Variants in ARHGAP10 observed in about 807,000 individuals in gnomAD.
ARHGAP10 encodes Rho GTPase activating protein 10, also known as rho GTPase-activating protein 10.
Under a neutral mutation model 108.6 loss-of-function variants are expected in ARHGAP10, and 87 were observed. That is an observed-to-expected ratio of 0.80 (90% CI 0.67 to 0.96). The LOEUF (loss-of-function observed/expected upper bound fraction) is 0.96. Ranked by LOEUF, ARHGAP10 falls within the 40% of genes least tolerant of loss-of-function variation. The pLI is 0.00. For synonymous variants in ARHGAP10, 347 were observed against 341.1 expected (o/e 1.02, Z -0.19); for missense variants, 939 against 954.5 (o/e 0.98, Z 0.21).
intron 19 of ARHGAP10, among the ~76,000 whole-genome samples, chr4:148,029,206 T>C (rs1220358808): frequency 6.6e-6 from 1 of 152,214 alleles, no homozygotes; most frequent in Non-Finnish European, 1.5e-5. Context: ...CCTATAACTA[T>C]GAGCAAAGTA....
chr4:148,057,703 G>C (rs113472688), intron 20 of ARHGAP10, among the ~76,000 whole-genome samples: 1 of 152,192 alleles, frequency 6.6e-6, no homozygotes, highest in African/African-American at 2.4e-5. Flanking sequence ...TGGTTATTAG[G>C]TGCTTCCTCC....
intron 1 of ARHGAP10, among the ~76,000 whole-genome samples, chr4:147,793,160 A>T (rs1214043658): frequency 2.0e-5 from 3 of 150,874 alleles, no homozygotes; most frequent in Non-Finnish European, 3.0e-5. Flanking sequence ...ATGTGTGTGT[A>T]TGTATGTGTG....
intron 3 of ARHGAP10, among the ~76,000 whole-genome samples, chr4:147,829,926 C>A (rs950285970): frequency 1.3e-5 from 2 of 152,122 alleles, no homozygotes; most frequent in Non-Finnish European, 2.9e-5. Context: ...AGGAAAACTG[C>A]GGGGAAGCGG....
chr4:147,812,828 T>C (rs188437265), intron 1 of ARHGAP10, among the ~76,000 whole-genome samples: 2 of 152,294 alleles, frequency 1.3e-5, no homozygotes, highest in Admixed American at 1.3e-4. Context: ...CCCCTTCTTA[T>C]GCTTGTCTCT....
Position 147,798,722 on chromosome 4 carries a change from ACACTCTCTCT to A in ARHGAP10, c.155-24003_155-23994del, listed in dbSNP as rs1414455540. On this transcript the variant is annotated intron_variant, in intron 1 of 22. Coordinates refer to ENST00000336498, the MANE Select transcript of ARHGAP10 (RefSeq NM_024605.4). ...CATTACGTGAGGTCAGGAGTTTGAG[ACACTCTCTCT>A]CTCTCTCTCTCTCTCTCTCTCTCTC... 1.2e-3 allele frequency among the ~76,000 whole-genome samples: 127 copies of A among 107,368 alleles called. 12 individuals are homozygous for A. The highest frequency in any genetic ancestry group is 5.6e-3 in the African/African-American group (105 of 18,716). The allele number at this position is 107,368 out of a possible 152,430, so 70.4% of individuals were successfully genotyped here. A position where few individuals can be genotyped will look rare whatever the true frequency, so the allele number is the denominator to read the frequency against.
chr4:148,064,471 G>C lies in ARHGAP10; in HGVS notation c.2236G>C (p.Glu746Gln), dbSNP rs1375797401. Reference sequence around the variant, plus strand: ...TCCGTGTGAAGCAGAACACAGCTCGGAATTATCTTTTGAAATAGGAGCAAT... The same window carrying C: ...TCCGTGTGAAGCAGAACACAGCTCGCAATTATCTTTTGAAATAGGAGCAAT... ...VYPCEAEHSS[E>Q]LSFEIGAIFE... is the part of the protein sequence containing the mutation. Residue 746 changes from glutamate to glutamine, a missense_variant, in exon 22 of 23, where the codon GAA becomes CAA. Glu to Gln is a conservative substitution (Grantham distance 29). Transcript: ENST00000336498. 6.2e-7 allele frequency: 1 copy of C among 1,614,020 alleles called. No individual in the cohort carries two copies. The highest frequency in any genetic ancestry group is 8.5e-7 in the Non-Finnish European group (1 of 1,180,026).
chr4:147,823,634 A>G (rs550212626), intron 3 of ARHGAP10, among the ~76,000 whole-genome samples: 1 of 152,128 alleles, frequency 6.6e-6, no homozygotes, highest in South Asian at 2.1e-4. Flanking sequence ...GCATGTGCCC[A>G]TGGTCCCAGC....
chr4:147,888,571 T>C (rs1735666766), intron 10 of ARHGAP10, among the ~76,000 whole-genome samples: 1 of 152,224 alleles, frequency 6.6e-6, no homozygotes, highest in Non-Finnish European at 1.5e-5. Context: ...TAAAGCTCCT[T>C]GGTTAACTTG....
intron 1 of ARHGAP10, among the ~76,000 whole-genome samples, chr4:147,798,947 G>T (rs1297324586): frequency 1.3e-5 from 2 of 151,536 alleles, no homozygotes; most frequent in African/African-American, 2.4e-5. Flanking sequence ...CTGCTTTCAA[G>T]CAGATTTTTT....
chr4:147,831,792 A>G (rs981876599), intron 3 of ARHGAP10, among the ~76,000 whole-genome samples: 3 of 152,162 alleles, frequency 2.0e-5, no homozygotes, highest in African/African-American at 7.2e-5. Context: ...TCAGAATCCT[A>G]TAGAGATCAC....
intron 1 of ARHGAP10, among the ~76,000 whole-genome samples, chr4:147,736,334 A>G (rs1252722666): frequency 2.0e-5 from 3 of 152,218 alleles, no homozygotes; most frequent in African/African-American, 7.2e-5. Flanking sequence ...AAAACATAAA[A>G]GTTCTCTTTG....
intron 4 of ARHGAP10, chr4:147,854,953 C>G: frequency 1.2e-6 from 1 of 819,956 alleles, no homozygotes; most frequent in Non-Finnish European, 1.5e-6. Flanking sequence ...ATTTTCATAG[C>G]CTTCTATTGC....
intron 1 of ARHGAP10, among the ~76,000 whole-genome samples, chr4:147,780,604 C>T (rs903448814): frequency 6.6e-6 from 1 of 152,090 alleles, no homozygotes. Context: ...AGCAGGCAGC[C>T]CTGTTGTGGG....
intron 1 of ARHGAP10, among the ~76,000 whole-genome samples, chr4:147,754,706 TAAAGC>T (rs748768793): frequency 1.3e-5 from 2 of 152,148 alleles, no homozygotes; most frequent in African/African-American, 2.4e-5. Context: ...TTGTTTAACA[TAAAGC>T]AAAATAACAG....
rs1185932422 is a variant in ARHGAP10 at position 147,866,540 on chromosome 4, A to T, written c.598-172A>T. ...AAAGCATCATTTTCTATAAAGACCA[A>T]TTAATAGATAATATGTACTTGTGTT... On this transcript the variant is annotated intron_variant, in intron 6 of 22. Coordinates refer to ENST00000336498, the MANE Select transcript of ARHGAP10 (RefSeq NM_024605.4). 5.5e-6 allele frequency: 3 copies of T among 543,250 alleles called. No homozygotes were observed. In the South Asian group the frequency reaches 8.9e-5, roughly 16 times the overall value. 33.7% of individuals were successfully genotyped at this position (543,250 alleles called of 1,614,324 possible).
chr4:147,871,061 G>A (rs1206786693), intron 7 of ARHGAP10, among the ~76,000 whole-genome samples: 1 of 151,706 alleles, frequency 6.6e-6, no homozygotes, highest in African/African-American at 2.4e-5. Flanking sequence ...CTGGGTTCAC[G>A]CCATTCTCCT....
chr4:147,734,587 A>G (rs373825930), intron 1 of ARHGAP10, among the ~76,000 whole-genome samples: 3 of 152,154 alleles, frequency 2.0e-5, no homozygotes, highest in African/African-American at 7.2e-5. Flanking sequence ...ATCAAAGACT[A>G]AGAGCCTTGG....
intron 18 of ARHGAP10, among the ~76,000 whole-genome samples, chr4:148,020,865 G>A (rs1578798065): frequency 6.6e-6 from 1 of 152,216 alleles, no homozygotes. Context: ...AAATCTTGGA[G>A]GAATCACCAC....
chr4:147,873,722 A>ACACACACACACACACACACC (rs775092505), intron 7 of ARHGAP10, among the ~76,000 whole-genome samples: 1 of 144,340 alleles, frequency 6.9e-6, no homozygotes, highest in Non-Finnish European at 1.5e-5. Flanking sequence ...ACACACACAC[A>ACACACACACACACACACACC]CTCTTGGCCT....
Sources: allele counts gnomAD v4.1 joint callset (sites outside exome capture counted in the v4.1 genomes callset), GRCh38; gene constraint gnomAD v4.1.1; transcripts MANE v1.5; gene names NCBI Gene and HGNC (gene_info 2026-07-23, HGNC 2026-07-21).